The following TLR5 variants were observed in gnomAD, a reference collection of about 807,000 sequenced individuals.
TLR5 encodes toll-like receptor 5.
For synonymous variants in TLR5, 373 were observed against 384.4 expected, an observed-to-expected ratio of 0.97 and a Z score of 0.35; for missense variants, 944 against 999.8, an observed-to-expected ratio of 0.94 and a Z score of 0.75.
intron 5 of TLR5, chr1:223,129,628 A>G (rs556275481): frequency 7.9e-5 from 12 of 152,546 alleles, no homozygotes; most frequent in Non-Finnish European, 1.2e-4. Flanking sequence ...CACTCAGGCC[A>G]ACAAGGTCAG....
intron 5 of TLR5, among the ~76,000 whole-genome samples, chr1:223,115,406 C>A (rs186822910): frequency 6.6e-6 from 1 of 152,176 alleles, no homozygotes; most frequent in Admixed American, 6.5e-5. Flanking sequence ...TGTGCCAGCA[C>A]GCCCAGCTAA....
At position 223,110,732 on chromosome 1, in the gene TLR5, C is replaced by G. The variant is rs777971117; in HGVS notation, c.2300G>C (p.Trp767Ser). 5 of 1,614,042 alleles carry G rather than the reference C, an allele frequency of 3.1e-6. No individual in the cohort carries two copies. The highest frequency in any genetic ancestry group is 3.3e-5 in the Admixed American group (2 of 60,000). ...LVSRHFLRDG[W>S]CLEAFSYAQG... Reference sequence around the variant, plus strand: ...GGCATAACTGAAGGCTTCAAGGCACCAGCCATCTCTAAGGAAGTGTCTGCT... The same window carrying G: ...GGCATAACTGAAGGCTTCAAGGCACGAGCCATCTCTAAGGAAGTGTCTGCT... The change falls in exon 6 of 6, where the codon TGG (tryptophan) becomes TCG (serine). Residue 767 changes from tryptophan to serine, a missense_variant. Transcript: ENST00000642603.
intron 5 of TLR5, chr1:223,127,041 C>T (rs1238338067): frequency 2.0e-5 from 3 of 152,266 alleles, no homozygotes; most frequent in East Asian, 3.8e-4. Flanking sequence ...GCCATGGTGT[C>T]TCTGCAGCAA....
In TLR5 at chr1:223,112,934, T is replaced by TA. The variant is rs1314494656; in HGVS notation, c.97dup (p.Tyr33LeufsTer17). 6.2e-7 allele frequency: 1 copy of TA among 1,613,928 alleles called. No individual in the cohort carries two copies. The highest frequency in any genetic ancestry group is 8.5e-7 in the Non-Finnish European group (1 of 1,180,020). On this transcript the variant is annotated frameshift_variant, in exon 6 of 6. Transcript: ENST00000642603. LOFTEE classifies it low-confidence loss of function (END_TRUNC). ...GACCTGGGTGAGGTTGCAGAAACGA[T>TA]AAAAGGCTATTCGGCCATCAAAGGA...
chr1:223,119,969 AAAATAAAAT>A lies in TLR5; in HGVS notation c.-4-6943_-4-6935del, dbSNP rs1343576694. Among the ~76,000 whole-genome samples, 7 of 75,366 alleles carry A rather than the reference AAAATAAAAT, an allele frequency of 9.3e-5. 1 individual carries two copies. The South Asian group carries it at 1.1e-3, about 12-fold the overall frequency. The allele number at this position is 75,366 out of a possible 152,430, so 49.4% of individuals were successfully genotyped here. A position where few individuals can be genotyped will look rare whatever the true frequency, so the allele number is the denominator to read the frequency against. ...TCTCAAAAATAAAATAAAATAAAAT[AAAATAAAAT>A]AAATAAAATAAAATAAAATAAAATA... On this transcript the variant is annotated intron_variant, in intron 5 of 5. Transcript: ENST00000642603.
chr1:223,117,366 G>C (rs1224920599), intron 5 of TLR5, among the ~76,000 whole-genome samples: 1 of 151,964 alleles, frequency 6.6e-6, no homozygotes, highest in African/African-American at 2.4e-5. Flanking sequence ...GCCTCAGCCA[G>C]CCCAGAGAGG....
At chr1:223,117,149 G>A (rs892983186) in intron 5 of TLR5, among the ~76,000 whole-genome samples, 103 of 152,118 alleles carry the variant, frequency 6.8e-4, no homozygotes, top group African/African-American at 1.4e-3. Context: ...TGGCGCCGGC[G>A]GGGCCGGCAG....
At chr1:223,139,175 T>C (rs1177263071) in intron 2 of TLR5, among the ~76,000 whole-genome samples, 1 of 152,252 alleles carries the variant, frequency 6.6e-6, no homozygotes, top group Admixed American at 6.5e-5. Context: ...ACTCTCTTTA[T>C]ATAACTCATC....
intron 5 of TLR5, among the ~76,000 whole-genome samples, chr1:223,117,562 C>CAAAAAAAAAAA (rs66839180): frequency 2.6e-4 from 27 of 105,100 alleles, no homozygotes; most frequent in Non-Finnish European, 3.1e-4. Flanking sequence ...ATGGTGTTCA[C>CAAAAAAAAAAA]AAAAAAAAAA....
chr1:223,130,757 G>A (rs866115788), intron 5 of TLR5, among the ~76,000 whole-genome samples: 2 of 152,152 alleles, frequency 1.3e-5, no homozygotes, highest in South Asian at 4.1e-4. Flanking sequence ...CAAATTCAGA[G>A]CATTTAGGGC....
chr1:223,112,532 C>T lies in TLR5; in HGVS notation c.500G>A (p.Gly167Glu), dbSNP rs773848593. 5 of 1,614,202 alleles carry T rather than the reference C, an allele frequency of 3.1e-6. No homozygotes were observed. In the Admixed American group the frequency reaches 8.3e-5, roughly 27 times the overall value. ...IRSLYLHPSF[G>E]KLNSLKSIDF... ...TATGGACTTTAAGGAATTCAACTTCCCAAATGAAGGATGAAGGTAAAGGCT... is the reference window on the plus strand; with the variant it reads ...TATGGACTTTAAGGAATTCAACTTCTCAAATGAAGGATGAAGGTAAAGGCT... Residue 167 changes from glycine (G) to glutamate (E), a missense_variant, in exon 6 of 6, where the codon GGG becomes GAG. Transcript: ENST00000642603.
intron 3 of TLR5, 110 bp from the exon 4 acceptor site, chr1:223,134,974 A>G (rs1250135945): frequency 1.3e-5 from 2 of 152,496 alleles, no homozygotes; most frequent in Admixed American, 6.5e-5. Flanking sequence ...TAGGAACCCT[A>G]TTAACCTGAT....
Position 223,111,124 on chromosome 1 carries a change from CT to C in TLR5, c.1907del (p.Lys636SerfsTer3), listed in dbSNP as rs766655315. On this transcript the variant is annotated frameshift_variant, in exon 6 of 6. Coordinates refer to ENST00000642603, the MANE Select transcript of TLR5 (RefSeq NM_003268.6). LOFTEE classifies it low-confidence loss of function (END_TRUNC). ...CAATGAAAAGGGAGAACTTTAGGGA[CT>C]TTAAGACTTCCTCTTCATCACAACC... ...TEGCDEEEVL[K>X]SLKFSLFIVC... The C allele has an allele frequency of 6.2e-7, 1 of 1,614,076 alleles. No homozygotes were observed. The highest frequency in any genetic ancestry group is 1.3e-5 in the African/African-American group (1 of 74,922).
At position 223,111,453 on chromosome 1, in the gene TLR5, C is replaced by A; in HGVS notation, c.1579G>T (p.Ala527Ser). ...GAGTTGAGGCTTAGTCCCCTTAATGCAGTCAGATGGCTAAATACTCCTGGT... is the reference window on the plus strand; with the variant it reads ...GAGTTGAGGCTTAGTCCCCTTAATGAAGTCAGATGGCTAAATACTCCTGGT... ...LPPGVFSHLT[A>S]LRGLSLNSNR... The change falls in exon 6 of 6, where the codon GCA (alanine) becomes TCA (serine). Residue 527 changes from alanine (A) to serine (S), a missense_variant. Physicochemically the swap from Ala to Ser is moderately conservative, Grantham distance 99. Transcript: ENST00000642603. 6.2e-7 allele frequency: 1 copy of A among 1,614,120 alleles called. No homozygotes were observed. Among genetic ancestry groups the A allele is most frequent in the Non-Finnish European group, 8.5e-7 (1 of 1,180,006 alleles).
chr1:223,122,494 G>C (rs1034443299), intron 5 of TLR5, among the ~76,000 whole-genome samples: 8 of 152,146 alleles, frequency 5.3e-5, no homozygotes, highest in African/African-American at 1.9e-4. Flanking sequence ...AATAGTGGGG[G>C]AGAACAGGCC....
chr1:223,116,817 G>A (rs567588033), intron 5 of TLR5, among the ~76,000 whole-genome samples: 2 of 152,300 alleles, frequency 1.3e-5, no homozygotes, highest in South Asian at 2.1e-4. Flanking sequence ...GACACAGGGT[G>A]CTGATTGGTG....
intron 5 of TLR5, among the ~76,000 whole-genome samples, chr1:223,116,653 C>T (rs141935367): frequency 2.4e-4 from 37 of 152,266 alleles, no homozygotes; most frequent in African/African-American, 8.2e-4. Context: ...CTGGCCCCAC[C>T]GACATCCTGC....
chr1:223,113,350 C>A (rs900532382), intron 5 of TLR5, among the ~76,000 whole-genome samples: 1 of 152,078 alleles, frequency 6.6e-6, no homozygotes. Context: ...GAACTACAGG[C>A]ACGTGCCACT....
chr1:223,113,753 C>A (rs969418914), intron 5 of TLR5, among the ~76,000 whole-genome samples: 13 of 152,208 alleles, frequency 8.5e-5, no homozygotes, highest in African/African-American at 3.1e-4. Flanking sequence ...AGCCACTGCA[C>A]CCTGCCTTCA....
Sources: allele counts gnomAD v4.1 joint callset (sites outside exome capture counted in the v4.1 genomes callset), GRCh38; gene constraint gnomAD v4.1.1; transcripts MANE v1.5; gene names NCBI Gene and HGNC (gene_info 2026-07-23, HGNC 2026-07-21).